SYMPK: variants seen among roughly 807,000 people sequenced by gnomAD.
The protein encoded by SYMPK is symplekin.
A neutral mutation model predicts 136.4 loss-of-function variants in SYMPK; 49 were observed. The ratio of observed to expected loss-of-function variants is 0.36; its 90% CI spans 0.29 to 0.46. The LOEUF is 0.46. SYMPK is among the 20% of genes least tolerant of loss of function. SYMPK has a pLI of 1.00. For synonymous variants in SYMPK, 766 were observed against 713.0 expected (o/e 1.07, Z -1.19); for missense variants, 1,365 against 1,690.0 (o/e 0.81, Z 3.37).
intron 14 of SYMPK, chr19:45,828,439 G>A (rs1160547812): frequency 1.1e-5 from 2 of 181,092 alleles, no homozygotes; most frequent in Non-Finnish European, 2.3e-5. Flanking sequence ...GGTCACATAA[G>A]GCCTCACTGG....
intron 6 of SYMPK, 36 bp from the exon 7 acceptor site, chr19:45,848,037 CAA>C: frequency 6.5e-7 from 1 of 1,548,080 alleles, no homozygotes; most frequent in Non-Finnish European, 8.8e-7. Flanking sequence ...AAGAGACACA[CAA>C]AGAGGTGAAG....
Position 45,852,402 on chromosome 19 carries a change from GAA to G in SYMPK, c.226-19_226-18del. On this transcript the variant is annotated intron_variant, in intron 4 of 26. Transcript: ENST00000245934. ...GATGATCTCCTGCCAATGTTAGAGA[GAA>G]AGTGGATCAGGGCTACACAAGGATC... The G allele has an allele frequency of 6.2e-7, 1 of 1,614,210 alleles. No homozygotes were observed. Among genetic ancestry groups the G allele is most frequent in the African/African-American group, 1.3e-5 (1 of 75,054 alleles).
chr19:45,818,284 G>A (rs1372224332), intron 22 of SYMPK, 138 bp from the exon 23 acceptor site: 1 of 840,432 alleles, frequency 1.2e-6, no homozygotes, highest in Non-Finnish European at 1.8e-6. Flanking sequence ...CGGGAGAGAG[G>A]AGACTCCCCC....
At chr19:45,841,932 C>T (rs555048327) in intron 9 of SYMPK, among the ~76,000 whole-genome samples, 122 of 151,846 alleles carry the variant, frequency 8.0e-4, no homozygotes, top group Admixed American at 1.8e-3. Context: ...ATTTATTAAA[C>T]GTATATTTTG....
intron 1 of SYMPK, among the ~76,000 whole-genome samples, chr19:45,861,160 C>G (rs1435165274): frequency 6.6e-6 from 1 of 152,150 alleles, no homozygotes; most frequent in East Asian, 1.9e-4. Flanking sequence ...GCACTCCAGC[C>G]TGGGCGACAG....
intron 7 of SYMPK, among the ~76,000 whole-genome samples, chr19:45,846,706 T>C (rs1971568947): frequency 6.6e-6 from 1 of 152,164 alleles, no homozygotes; most frequent in Non-Finnish European, 1.5e-5. Flanking sequence ...ATAATACTCT[T>C]AACAGTGTTT....
At chr19:45,825,074 G>C in intron 18 of SYMPK, 97 bp downstream of exon 18, 2 of 1,480,414 alleles carry the variant, frequency 1.4e-6, no homozygotes, top group Non-Finnish European at 9.1e-7. Context: ...CTTCGGGCTT[G>C]GCACACTCTG....
chr19:45,815,615 G>A lies in SYMPK; in HGVS notation c.3770C>T (p.Thr1257Ile). ...LAPVGEDAMK[T>I]PSPAAEDARE... is the part of the protein sequence containing the mutation. The stretch of plus-strand genomic sequence containing the variant: ...GGCGTCCTCGGCAGCCGGGCTGGGA[G>A]TCTTCATAGCATCTTCTCCAACAGG... Residue 1257 changes from threonine (T) to isoleucine (I), a missense_variant, in exon 27 of 27, where the codon ACT (threonine) becomes ATT (isoleucine). By Grantham distance (89) the Thr-to-Ile change is moderately conservative. Transcript: ENST00000245934. 1.2e-6 allele frequency: 2 copies of A among 1,609,224 alleles called. No individual in the cohort carries two copies. Among genetic ancestry groups the A allele is most frequent in the South Asian group, 1.1e-5 (1 of 90,366 alleles).
chr19:45,827,621 ACT>A lies in SYMPK; in HGVS notation c.2068_2069del (p.Arg691HisfsTer33). 1 of 1,613,676 alleles carries A rather than the reference ACT, an allele frequency of 6.2e-7. No homozygotes were observed. The highest frequency in any genetic ancestry group is 1.1e-5 in the South Asian group (1 of 91,054). On this transcript the variant is annotated frameshift_variant and splice_region_variant, in exon 16 of 27. Transcript: ENST00000245934. LOFTEE classifies it high-confidence loss of function. ...GTGTGGACATGCCCAGATAGGTGCG[ACT>A]CTGCAGCAAAAGGAAAGGGACCCGA... ...EVVRKYCEDE[S>X]RTYLGMSTLR...
chr19:45,844,833 T>C (rs945463016), intron 7 of SYMPK, among the ~76,000 whole-genome samples: 1 of 152,202 alleles, frequency 6.6e-6, no homozygotes, highest in Non-Finnish European at 1.5e-5. Flanking sequence ...TTGGTGGATA[T>C]CTTTCCAGAC....
chr19:45,851,208 T>A (rs1425296231), intron 5 of SYMPK, among the ~76,000 whole-genome samples: 2 of 152,136 alleles, frequency 1.3e-5, no homozygotes, highest in African/African-American at 4.8e-5. Flanking sequence ...GTGCGGTGAT[T>A]CCTCTTTGGG....
At chr19:45,828,898 A>G in intron 14 of SYMPK, 72 bp downstream of exon 14, 1 of 1,477,764 alleles carries the variant, frequency 6.8e-7, no homozygotes, top group Non-Finnish European at 9.4e-7. Flanking sequence ...GGTGGTCGCA[A>G]TCAGAAAGGG....
chr19:45,838,078 A>T (rs1215543900), intron 10 of SYMPK, among the ~76,000 whole-genome samples: 1 of 151,894 alleles, frequency 6.6e-6, no homozygotes, highest in African/African-American at 2.4e-5. Flanking sequence ...GGGTGTTTGG[A>T]TCATGGGGGC....
chr19:45,820,485 C>G (rs1366379113), intron 22 of SYMPK: 1 of 152,288 alleles, frequency 6.6e-6, no homozygotes, highest in Non-Finnish European at 1.5e-5. Flanking sequence ...CAAGCTAGAA[C>G]ACGAAAGTAA....
At chr19:45,855,787 G>A (rs1375635873) in intron 1 of SYMPK, 2 of 152,096 alleles carry the variant, frequency 1.3e-5, no homozygotes. Context: ...CTTGAGCCTA[G>A]GAGTCGGAGA....
At chr19:45,826,483 G>C in intron 16 of SYMPK, 110 bp from the exon 17 acceptor site, 1 of 1,206,652 alleles carries the variant, frequency 8.3e-7, no homozygotes, top group Non-Finnish European at 1.2e-6. Flanking sequence ...GGCTGAGAAG[G>C]GGCAGCCCAG....
intron 22 of SYMPK, chr19:45,819,002 A>AG (rs33932647): frequency 0.51 from 69,116 of 136,734 alleles, 16,117 homozygotes; most frequent in Non-Finnish European, 0.53. Context: ...GGGGTCTCTA[A>AG]GGGGGGGGGC....
In SYMPK at chr19:45,845,942, A is replaced by G. The variant is rs1600522093; in HGVS notation, c.677-1742T>C. 2.0e-5 allele frequency among the ~76,000 whole-genome samples: 3 copies of G among 152,310 alleles called. No homozygotes were observed. The East Asian group carries it at 5.8e-4, about 29-fold the overall frequency. ...TTTGACTTGAACGCCACATTATTTA[A>G]AATAGTGAATTAGGCCGGGCGCGGT... is the stretch of plus-strand genomic sequence containing the variant. On this transcript the variant is annotated intron_variant, in intron 7 of 26. Coordinates refer to ENST00000245934, the MANE Select transcript of SYMPK (RefSeq NM_004819.3).
Position 45,831,408 on chromosome 19 carries a change from G to A in SYMPK, c.1574C>T (p.Pro525Leu), listed in dbSNP as rs150881076. 1.3e-4 allele frequency: 209 copies of A among 1,587,140 alleles called. No individual in the cohort carries two copies. Among genetic ancestry groups the A allele is most frequent in the Non-Finnish European group, 9.4e-6 (11 of 1,166,236 alleles). Residue 525 changes from proline to leucine, a missense_variant, in exon 12 of 27, where the codon CCC (proline) becomes CTC (leucine). Pro to Leu is a moderately conservative substitution (Grantham distance 98). Transcript: ENST00000245934. ...CCGGGGCTGAGTGACAGGGATAATG[G>A]GCTCTGGCCTCCTCTTGGCCTGCGG... ...EAPQAKRRPE[P>L]IIPVTQPRLA... is the part of the protein sequence containing the mutation.
Sources: gnomAD v4.1 joint callset for allele counts (sites outside exome capture counted in the v4.1 genomes callset) on GRCh38, gnomAD v4.1.1 for gene constraint, MANE v1.5 for transcripts, NCBI Gene and HGNC (gene_info 2026-07-23, HGNC 2026-07-21) for gene names.